Variants in JMJD1C observed in about 807,000 individuals in gnomAD.
JMJD1C encodes jumonji domain containing 1C.
Under a neutral mutation model 245.3 loss-of-function variants are expected in JMJD1C, and 31 were observed. That is an observed-to-expected ratio of 0.13 (90% CI 0.09 to 0.17). The LOEUF (loss-of-function observed/expected upper bound fraction) is 0.17, where lower values mean the gene tolerates loss of function less well. Among genes scored for constraint, JMJD1C ranks in the 10% least tolerant of loss-of-function variants. The pLI, the probability that JMJD1C is intolerant of heterozygous loss-of-function variation, is 1.00. For synonymous variants in JMJD1C, 1,057 were observed against 1,017.4 expected (o/e 1.04, Z -0.74); for missense variants, 2,691 against 3,000.2 (o/e 0.90, Z 2.41).
At chr10:63,363,006 A>C (rs1180943315) in intron 2 of JMJD1C, among the ~76,000 whole-genome samples, 1 of 152,048 alleles carries the variant, frequency 6.6e-6, no homozygotes, top group African/African-American at 2.4e-5. Flanking sequence ...ACAATCCTCT[A>C]ATCATTTCAG....
intron 22 of JMJD1C, among the ~76,000 whole-genome samples, chr10:63,178,746 C>A (rs934237349): frequency 6.6e-6 from 1 of 152,074 alleles, no homozygotes; most frequent in Non-Finnish European, 1.5e-5. Context: ...AAAATGTTGA[C>A]AAACTAAAAT....
chr10:63,296,026 T>TTTTTTC (rs1491140598), intron 2 of JMJD1C, among the ~76,000 whole-genome samples: 1 of 133,416 alleles, frequency 7.5e-6, no homozygotes, highest in African/African-American at 2.8e-5. Context: ...TTTTTTTTTT[T>TTTTTTC]CTTAGATGGA....
At chr10:63,357,746 T>G (rs1401306935) in intron 2 of JMJD1C, among the ~76,000 whole-genome samples, 1 of 152,014 alleles carries the variant, frequency 6.6e-6, no homozygotes, top group Non-Finnish European at 1.5e-5. Flanking sequence ...AGTATTCAAA[T>G]ATATTTATTG....
intron 2 of JMJD1C, among the ~76,000 whole-genome samples, chr10:63,305,384 CAA>C (rs1564760720): frequency 1.5e-5 from 1 of 68,536 alleles, no homozygotes; most frequent in Non-Finnish European, 4.0e-5. Flanking sequence ...AAACAAAAAA[CAA>C]AAAAGGTTGC....
rs975039468 is a variant in JMJD1C, at chr10:63,404,841, A to G, written c.169-24359T>C. Among the ~76,000 whole-genome samples the G allele has an allele frequency of 7.2e-5, 11 of 152,330 alleles. No homozygotes were observed. The East Asian group carries it at 1.9e-3, about 27-fold the overall frequency. On this transcript the variant is annotated intron_variant, in intron 1 of 25. Transcript: ENST00000399262. Reference sequence around the variant, plus strand: ...TCATATAAAGAATGTTTTAACATTAAATTTTAAAATGAAACAAAAGCAGTA... The same window carrying G: ...TCATATAAAGAATGTTTTAACATTAGATTTTAAAATGAAACAAAAGCAGTA...
chr10:63,369,855 G>C (rs1946155438), intron 2 of JMJD1C, among the ~76,000 whole-genome samples: 1 of 152,162 alleles, frequency 6.6e-6, no homozygotes, highest in African/African-American at 2.4e-5. Context: ...GAGTGTTTTT[G>C]TTTGCCTGGA....
At chr10:63,514,664 T>C (rs1354039618) in intron 1 of JMJD1C, among the ~76,000 whole-genome samples, 4 of 152,002 alleles carry the variant, frequency 2.6e-5, no homozygotes, top group Non-Finnish European at 5.9e-5. Flanking sequence ...TGAAAAACTG[T>C]GGGATACTAA....
At chr10:63,193,619 T>G (rs1845100170) in intron 14 of JMJD1C, 147 bp from the exon 15 acceptor site, 4 of 547,704 alleles carry the variant, frequency 7.3e-6, no homozygotes, top group Non-Finnish European at 1.2e-5. Flanking sequence ...CTCCATTCTC[T>G]TCCATCTATT....
intron 24 of JMJD1C, among the ~76,000 whole-genome samples, chr10:63,168,886 T>C (rs1219230792): frequency 6.6e-6 from 1 of 152,208 alleles, no homozygotes; most frequent in Admixed American, 6.5e-5. Flanking sequence ...AAAAATGTGT[T>C]ACTTTTAAAA....
chr10:63,240,831 C>T (rs1279651314), intron 3 of JMJD1C, among the ~76,000 whole-genome samples: 1 of 152,074 alleles, frequency 6.6e-6, no homozygotes, highest in African/African-American at 2.4e-5. Context: ...GGAACAATTC[C>T]AAACGACTAC....
chr10:63,462,622 A>T (rs1421489879), intron 1 of JMJD1C, among the ~76,000 whole-genome samples: 1 of 152,172 alleles, frequency 6.6e-6, no homozygotes, highest in Non-Finnish European at 1.5e-5. Context: ...GAAGCAGGAG[A>T]GTTAGAAGGA....
chr10:63,284,701 C>T (rs1447804681), intron 2 of JMJD1C, among the ~76,000 whole-genome samples: 1 of 151,986 alleles, frequency 6.6e-6, no homozygotes, highest in Non-Finnish European at 1.5e-5. Flanking sequence ...TAAATGTAAG[C>T]TATACATACA....
chr10:63,452,209 A>C (rs1056020976), intron 1 of JMJD1C, among the ~76,000 whole-genome samples: 1 of 152,242 alleles, frequency 6.6e-6, no homozygotes, highest in Non-Finnish European at 1.5e-5. Flanking sequence ...AGGTACTAAT[A>C]ACCAGAATAT....
At chr10:63,299,738 T>G (rs1294552034) in intron 2 of JMJD1C, among the ~76,000 whole-genome samples, 1 of 152,126 alleles carries the variant, frequency 6.6e-6, no homozygotes, top group Non-Finnish European at 1.5e-5. Context: ...CTGGGTTAAT[T>G]CCTATGAATT....
intron 1 of JMJD1C, among the ~76,000 whole-genome samples, chr10:63,415,208 A>T (rs1469314097): frequency 6.6e-6 from 1 of 152,164 alleles, no homozygotes; most frequent in Non-Finnish European, 1.5e-5. Context: ...AATATATAAT[A>T]TCACAGGTAC....
At chr10:63,325,366 A>C (rs908632770) in intron 2 of JMJD1C, among the ~76,000 whole-genome samples, 11 of 152,122 alleles carry the variant, frequency 7.2e-5, no homozygotes, top group Non-Finnish European at 1.6e-4. Flanking sequence ...TTGAGACAAG[A>C]GTTTGGCTCT....
chr10:63,299,599 C>T lies in JMJD1C; in HGVS notation c.334-34835G>A, dbSNP rs985788164. On this transcript the variant is annotated intron_variant, in intron 2 of 25. Coordinates refer to ENST00000399262, the MANE Select transcript of JMJD1C (RefSeq NM_032776.3). ...CAATAGCACAAATAATAGAGCAAAA[C>T]AAACATTTCAAATGCCCTACAAATA... 2.6e-5 allele frequency among the ~76,000 whole-genome samples: 4 copies of T among 152,114 alleles called. No homozygotes were observed. The South Asian group carries it at 8.3e-4, about 31-fold the overall frequency.
chr10:63,421,954 C>G (rs1000337892), intron 1 of JMJD1C, among the ~76,000 whole-genome samples: 2 of 152,148 alleles, frequency 1.3e-5, no homozygotes, highest in African/African-American at 4.8e-5. Flanking sequence ...AGCTACCTGT[C>G]TATGATATTT....
intron 3 of JMJD1C, among the ~76,000 whole-genome samples, chr10:63,229,120 T>A (rs912661490): frequency 1.3e-5 from 2 of 152,168 alleles, no homozygotes; most frequent in Middle Eastern, 6.3e-3. Flanking sequence ...AAGCTCTCTA[T>A]GTAGGTGTGT....
Sources: allele counts gnomAD v4.1 joint callset (sites outside exome capture counted in the v4.1 genomes callset), GRCh38; gene constraint gnomAD v4.1.1; transcripts MANE v1.5; gene names NCBI Gene and HGNC (gene_info 2026-07-23, HGNC 2026-07-21).